Variants in PAK5 observed in about 807,000 individuals in gnomAD.
The protein encoded by PAK5 is serine/threonine-protein kinase PAK 5.
PAK5 carries 16 observed loss-of-function variants against 65.9 expected under a neutral mutation model. The observed-to-expected ratio is 0.24, with a 90% CI of 0.16 to 0.37. The LOEUF is 0.37. Among genes scored for constraint, PAK5 ranks in the 10% least tolerant of loss-of-function variants. PAK5 has a pLI of 1.00. For missense variants in PAK5, 785 were observed against 903.9 expected (o/e 0.87, Z 1.69); for synonymous variants, 371 against 354.9 (o/e 1.05, Z -0.51).
intron 2 of PAK5, among the ~76,000 whole-genome samples, chr20:9,672,327 C>T (rs959557739): frequency 6.8e-6 from 1 of 147,256 alleles, no homozygotes; most frequent in Admixed American, 6.9e-5. Context: ...CATGTGAAAT[C>T]CTGGCACATA....
chr20:9,696,112 C>T (rs868548565), intron 2 of PAK5, among the ~76,000 whole-genome samples: 19 of 151,990 alleles, frequency 1.3e-4, no homozygotes, highest in African/African-American at 4.6e-4. Flanking sequence ...ACTGGGTAAC[C>T]CAGCCATAGA....
chr20:9,616,700 TGCCCAGACAAG>T (rs887140911), intron 3 of PAK5, among the ~76,000 whole-genome samples: 1 of 152,120 alleles, frequency 6.6e-6, no homozygotes, highest in African/African-American at 2.4e-5. Context: ...TGGGGTGCAG[TGCCCAGACAAG>T]GCCCAGAGAG....
chr20:9,678,152 T>C (rs1212835039), intron 2 of PAK5, among the ~76,000 whole-genome samples: 1 of 152,250 alleles, frequency 6.6e-6, no homozygotes, highest in African/African-American at 2.4e-5. Flanking sequence ...TTCACAACCT[T>C]GTGTCTTGAT....
intron 3 of PAK5, among the ~76,000 whole-genome samples, chr20:9,612,981 T>G (rs2046592267): frequency 6.6e-6 from 1 of 152,156 alleles, no homozygotes; most frequent in African/African-American, 2.4e-5. Flanking sequence ...ACAGACATGA[T>G]GAAAAATTGT....
chr20:9,557,285 T>G (rs2045522077), intron 7 of PAK5, among the ~76,000 whole-genome samples: 1 of 152,172 alleles, frequency 6.6e-6, no homozygotes, highest in Admixed American at 6.5e-5. Context: ...ATAGGTTGGA[T>G]GCACCCCTAG....
chr20:9,558,047 C>T (rs4816147), intron 6 of PAK5, among the ~76,000 whole-genome samples: 100 of 58,092 alleles, frequency 1.7e-3, no homozygotes, highest in Middle Eastern at 8.2e-3. Context: ...TTTATTTATT[C>T]ATTCATTCAT....
chr20:9,603,584 A>G (rs139964704), intron 3 of PAK5, among the ~76,000 whole-genome samples: 1 of 152,164 alleles, frequency 6.6e-6, no homozygotes, highest in East Asian at 1.9e-4. Context: ...TAATACCCCA[A>G]CTGGTACGTT....
In PAK5 at chr20:9,736,789, G is replaced by T. The variant is rs529079416; in HGVS notation, c.-161-25354C>A. On this transcript the variant is annotated intron_variant, in intron 1 of 9. Transcript: ENST00000353224. The stretch of plus-strand genomic sequence containing the variant: ...TCTGTTCAGAGAATTCTGAAGTCTG[G>T]TCTCCATGTTATTTTATGTTCACAA... Among the ~76,000 whole-genome samples, 228 of 152,264 alleles carry T rather than the reference G, an allele frequency of 1.5e-3. 1 individual carries two copies. Among genetic ancestry groups the T allele is most frequent in the African/African-American group, 5.2e-3 (217 of 41,550 alleles).
chr20:9,824,869 T>C lies in PAK5; in HGVS notation c.-162+13893A>G, dbSNP rs148088160. Among the ~76,000 whole-genome samples, 474 of 152,318 alleles carry C rather than the reference T, an allele frequency of 3.1e-3. 4 individuals carry two copies. Among genetic ancestry groups the C allele is most frequent in the African/African-American group, 0.011 (446 of 41,572 alleles). On this transcript the variant is annotated intron_variant, in intron 1 of 9. Coordinates refer to ENST00000353224, the MANE Select transcript of PAK5 (RefSeq NM_177990.4). ...CACAGAAGAACATTTTTATCTTCTA[T>C]ATTCATTGATATGCCTCCTCATGGT...
At chr20:9,663,600 T>C (rs770166953) in intron 2 of PAK5, among the ~76,000 whole-genome samples, 12 of 152,182 alleles carry the variant, frequency 7.9e-5, no homozygotes, top group Non-Finnish European at 1.6e-4. Context: ...CTTTCAGTAA[T>C]GTCAGATTTA....
chr20:9,641,580 G>A (rs565593199), intron 3 of PAK5, among the ~76,000 whole-genome samples: 10 of 151,972 alleles, frequency 6.6e-5, no homozygotes, highest in South Asian at 4.2e-4. Flanking sequence ...AGTCCTGTGC[G>A]GTGCGCTCAC....
chr20:9,554,750 CT>C (rs893997174), intron 7 of PAK5, among the ~76,000 whole-genome samples: 9 of 152,178 alleles, frequency 5.9e-5, no homozygotes, highest in Admixed American at 5.2e-4. Flanking sequence ...CCTACAGATA[CT>C]GGAGAAACCA....
At chr20:9,663,661 C>T (rs2047375762) in intron 2 of PAK5, among the ~76,000 whole-genome samples, 2 of 152,086 alleles carry the variant, frequency 1.3e-5, no homozygotes, top group Admixed American at 6.6e-5. Context: ...AAATGTAAGG[C>T]AGGACTACAC....
chr20:9,606,003 A>C (rs141515008), intron 3 of PAK5, among the ~76,000 whole-genome samples: 1 of 152,258 alleles, frequency 6.6e-6, no homozygotes, highest in Non-Finnish European at 1.5e-5. Context: ...ACTTTACTTA[A>C]ATTTCTGGAT....
At chr20:9,619,544 G>A (rs894616040) in intron 3 of PAK5, among the ~76,000 whole-genome samples, 2 of 152,070 alleles carry the variant, frequency 1.3e-5, no homozygotes, top group Non-Finnish European at 2.9e-5. Flanking sequence ...CTGTGTTCAG[G>A]TCCCTTTTAA....
chr20:9,835,650 C>T (rs986652725), intron 1 of PAK5, among the ~76,000 whole-genome samples: 4 of 152,118 alleles, frequency 2.6e-5, no homozygotes, highest in Non-Finnish European at 4.4e-5. Flanking sequence ...AGATTATCAT[C>T]TCTTGCAGTT....
intron 1 of PAK5, among the ~76,000 whole-genome samples, chr20:9,767,069 G>A (rs938837469): frequency 1.3e-5 from 2 of 152,026 alleles, no homozygotes; most frequent in South Asian, 2.1e-4. Flanking sequence ...GACAGACTGC[G>A]GGGAGCTGGA....
At chr20:9,669,171 G>C (rs998425314) in intron 2 of PAK5, among the ~76,000 whole-genome samples, 4 of 152,068 alleles carry the variant, frequency 2.6e-5, no homozygotes, top group Non-Finnish European at 5.9e-5. Context: ...CAAACAGTGG[G>C]CAATATCCAT....
chr20:9,551,517 T>G (rs987500363), intron 7 of PAK5, among the ~76,000 whole-genome samples: 8 of 152,058 alleles, frequency 5.3e-5, no homozygotes, highest in African/African-American at 1.9e-4. Flanking sequence ...GGTGGAGGGT[T>G]GGGGGCTAGT....
Sources: allele counts gnomAD v4.1 joint callset (sites outside exome capture counted in the v4.1 genomes callset), GRCh38; gene constraint gnomAD v4.1.1; transcripts MANE v1.5; gene names NCBI Gene and HGNC (gene_info 2026-07-23, HGNC 2026-07-21).